PRKN: variants seen among roughly 807,000 people sequenced by gnomAD.
The protein encoded by PRKN is E3 ubiquitin-protein ligase parkin.
Under a neutral mutation model 59.5 loss-of-function variants are expected in PRKN, and 56 were observed. That is an observed-to-expected ratio of 0.94 (90% CI 0.76 to 1.18). The LOEUF is 1.18. Among genes scored for constraint, PRKN ranks in the 50% most tolerant of loss-of-function variants. The pLI is 0.00. For missense variants in PRKN, 657 were observed against 596.4 expected (o/e 1.10, Z -1.06); for synonymous variants, 250 against 222.1 (o/e 1.13, Z -1.12).
At chr6:162,176,262 G>A (rs1484099297) in intron 4 of PRKN, among the ~76,000 whole-genome samples, 1 of 152,128 alleles carries the variant, frequency 6.6e-6, no homozygotes, top group Non-Finnish European at 1.5e-5. Context: ...ATTTAAGTTG[G>A]TTGAGGCTAG....
At position 162,443,342 on chromosome 6, in the gene PRKN, C is replaced by T. The variant is rs1242294277; in HGVS notation, c.139G>A (p.Gly47Arg). The change falls in exon 2 of 12, where the codon GGG (glycine) becomes AGG (arginine). Residue 47 changes from glycine (G) to arginine (R), a missense_variant. Physicochemically the swap from Gly to Arg is moderately radical, Grantham distance 125 (BLOSUM62 -2). Coordinates refer to ENST00000366898, the MANE Select transcript of PRKN (RefSeq NM_004562.3). ...GTCCAGTCATTCCTCAGCTCCTTCCCTGCGAAAATCACACGCAACTGGTCA... is the reference window on the plus strand; with the variant it reads ...GTCCAGTCATTCCTCAGCTCCTTCCTTGCGAAAATCACACGCAACTGGTCA... The part of the protein sequence containing the change: ...PADQLRVIFA[G>R]KELRNDWTVQ... 2 of 1,612,988 alleles carry T rather than the reference C, an allele frequency of 1.2e-6. No individual in the cohort carries two copies. Among genetic ancestry groups the T allele is most frequent in the Non-Finnish European group, 1.7e-6 (2 of 1,180,018 alleles).
chr6:162,290,290 G>A (rs551646110), intron 2 of PRKN, among the ~76,000 whole-genome samples: 2 of 152,256 alleles, frequency 1.3e-5, no homozygotes, highest in Middle Eastern at 6.8e-3. Context: ...TAAGATATCT[G>A]TTGTACTAAG....
At chr6:161,614,089 C>A (rs1005825673) in intron 7 of PRKN, among the ~76,000 whole-genome samples, 3 of 152,168 alleles carry the variant, frequency 2.0e-5, no homozygotes, top group Non-Finnish European at 1.5e-5. Flanking sequence ...GCAGGGGTGT[C>A]TCAAAAGCTT....
At chr6:161,826,434 G>C (rs1792247771) in intron 6 of PRKN, among the ~76,000 whole-genome samples, 1 of 152,170 alleles carries the variant, frequency 6.6e-6, no homozygotes, top group Non-Finnish European at 1.5e-5. Context: ...GGCATATGAT[G>C]ACTATAGCAA....
chr6:162,309,718 T>C (rs567011478), intron 2 of PRKN, among the ~76,000 whole-genome samples: 3 of 152,326 alleles, frequency 2.0e-5, no homozygotes, highest in Admixed American at 2.0e-4. Flanking sequence ...TTTTAACTTT[T>C]AAGCTCAAAG....
intron 3 of PRKN, among the ~76,000 whole-genome samples, chr6:162,236,437 T>C (rs1236008531): frequency 6.6e-6 from 1 of 152,130 alleles, no homozygotes. Context: ...CATATGTCTT[T>C]CTTCCACCCC....
rs9347501 is a variant in PRKN at position 161,379,989 on chromosome 6, T to C, written c.1167+6805A>G. ...AAAAAATCTCCAGATGCCTTCTCAC[T>C]GCCCTAAATCCCAAGCTCCTGCCTG... is the stretch of plus-strand genomic sequence containing the variant. On this transcript the variant is annotated intron_variant, in intron 10 of 11. Coordinates refer to ENST00000366898, the MANE Select transcript of PRKN (RefSeq NM_004562.3). This position sits in a 1 kb window ranked among gnomAD's most constrained non-coding sequence, Gnocchi z 4.9. 6.6e-6 allele frequency among the ~76,000 whole-genome samples: 1 copy of C among 152,110 alleles called. No individual in the cohort carries two copies. Among genetic ancestry groups the C allele is most frequent in the Non-Finnish European group, 1.5e-5 (1 of 68,024 alleles).
rs570688303 is a variant in PRKN, at chr6:162,608,948, G to T, written c.7+118714C>A. Reference sequence around the variant, plus strand: ...GTAGCACAGGGGAGAAAGTCTCCACGTTTCCTGGGAGTGGATGAGCAAAGG... The same window carrying T: ...GTAGCACAGGGGAGAAAGTCTCCACTTTTCCTGGGAGTGGATGAGCAAAGG... On this transcript the variant is annotated intron_variant, in intron 1 of 11. Coordinates refer to ENST00000366898, the MANE Select transcript of PRKN (RefSeq NM_004562.3). Among the ~76,000 whole-genome samples, 6 of 152,258 alleles carry T rather than the reference G, an allele frequency of 3.9e-5. No homozygotes were observed. The South Asian group carries it at 1.2e-3, about 32-fold the overall frequency.
At chr6:162,146,706 T>C (rs933803624) in intron 4 of PRKN, among the ~76,000 whole-genome samples, 3 of 151,990 alleles carry the variant, frequency 2.0e-5, no homozygotes, top group African/African-American at 7.2e-5. Flanking sequence ...GGTTTCACCA[T>C]GTTGGCCAGG....
rs1017307965 is a variant in PRKN at position 161,834,756 on chromosome 6, C to T, written c.735-48848G>A. Among the ~76,000 whole-genome samples the T allele has an allele frequency of 2.6e-5, 4 of 152,182 alleles. No individual in the cohort carries two copies. In the South Asian group the frequency reaches 8.3e-4, roughly 31 times the overall value. Reference sequence around the variant, plus strand: ...TCAGAGAATGCAAGAAAAGCTGATGCTACACACGCCCTGGCTCTCAGGGTG... The same window carrying T: ...TCAGAGAATGCAAGAAAAGCTGATGTTACACACGCCCTGGCTCTCAGGGTG... On this transcript the variant is annotated intron_variant, in intron 6 of 11. Transcript: ENST00000366898.
At chr6:162,508,064 T>C (rs769434091) in intron 1 of PRKN, among the ~76,000 whole-genome samples, 16 of 152,184 alleles carry the variant, frequency 1.1e-4, no homozygotes, top group Non-Finnish European at 1.9e-4. Context: ...AGTGGTTTAA[T>C]TGGACTTAAC....
At chr6:161,946,430 T>A (rs867164561) in intron 6 of PRKN, among the ~76,000 whole-genome samples, 20,072 of 141,132 alleles carry the variant, frequency 0.14, 1,650 homozygotes, top group Non-Finnish European at 0.2. Context: ...TCTCTCTCTC[T>A]CTCTCTCTCT....
intron 1 of PRKN, among the ~76,000 whole-genome samples, chr6:162,448,387 C>G (rs1202354119): frequency 6.6e-6 from 1 of 152,002 alleles, no homozygotes; most frequent in Non-Finnish European, 1.5e-5. Flanking sequence ...TTCTTATCAC[C>G]CTGGTCTCCA....
Position 161,733,800 on chromosome 6 carries a change from A to ATATATATATATATATATATATG in PRKN, c.871+51950_871+51971dup, listed in dbSNP as rs1787842520. 1.0e-4 allele frequency among the ~76,000 whole-genome samples: 4 copies of ATATATATATATATATATATATG among 39,924 alleles called. 1 individual carries two copies. Among genetic ancestry groups the ATATATATATATATATATATATG allele is most frequent in the East Asian group, 1.0e-3 (2 of 1,972 alleles). The allele number at this position is 39,924 out of a possible 152,430, so 26.2% of individuals were successfully genotyped here. On this transcript the variant is annotated intron_variant, in intron 7 of 11. Transcript: ENST00000366898. ...AAAAAAAAAATATATATATATATGTATATATATATATATATATATATGTAT... is the reference window on the plus strand; with the variant it reads ...AAAAAAAAAATATATATATATATGTATATATATATATATATATATATGTATATATATATATATATATATGTAT...
At chr6:162,129,910 G>T (rs1050996419) in intron 4 of PRKN, among the ~76,000 whole-genome samples, 1 of 151,976 alleles carries the variant, frequency 6.6e-6, no homozygotes, top group Non-Finnish European at 1.5e-5. Context: ...GATTATAGAA[G>T]TTAAAAATAT....
At chr6:161,624,063 C>T (rs60022359) in intron 7 of PRKN, among the ~76,000 whole-genome samples, 3,047 of 152,188 alleles carry the variant, frequency 0.02, 123 homozygotes, top group African/African-American at 0.069. Context: ...GTCTCAAATC[C>T]GCAGAAATTA....
intron 2 of PRKN, among the ~76,000 whole-genome samples, chr6:162,387,218 A>C (rs376377413): frequency 1.1e-3 from 151 of 140,196 alleles, no homozygotes; most frequent in Admixed American, 3.8e-3. Context: ...GTAATTACAC[A>C]CTAAGAAAAA....
In PRKN at chr6:161,550,306, G is replaced by A. The variant is rs1330415388; in HGVS notation, c.934-1303C>T. ...GACAGCTGCTTTCAGAACCCTGGGT[G>A]TTATTCTGGAAGATACCAGAACCAC... On this transcript the variant is annotated intron_variant, in intron 8 of 11. Coordinates refer to ENST00000366898, the MANE Select transcript of PRKN (RefSeq NM_004562.3). This position sits in a 1 kb window ranked among gnomAD's most constrained non-coding sequence, Gnocchi z 4.0. Among the ~76,000 whole-genome samples the A allele has an allele frequency of 6.6e-6, 1 of 152,214 alleles. No individual in the cohort carries two copies. The highest frequency in any genetic ancestry group is 1.5e-5 in the Non-Finnish European group (1 of 68,042).
intron 7 of PRKN, among the ~76,000 whole-genome samples, chr6:161,757,074 T>TA (rs1414459348): frequency 6.6e-6 from 1 of 152,142 alleles, no homozygotes; most frequent in African/African-American, 2.4e-5. Context: ...ACTTGTATCA[T>TA]ACACAAAAGA....
Sources: gnomAD v4.1 joint callset for allele counts (sites outside exome capture counted in the v4.1 genomes callset) on GRCh38, gnomAD v4.1.1 for gene constraint, Gnocchi (gnomAD v3.1) non-coding constraint, MANE v1.5 for transcripts, NCBI Gene and HGNC (gene_info 2026-07-23, HGNC 2026-07-21) for gene names.